The following DLG2 variants were observed in gnomAD, a reference collection of about 807,000 sequenced individuals.
The protein encoded by DLG2 is disks large homolog 2.
In DLG2, 45 loss-of-function variants were observed where a neutral mutation model predicts 132.5. The observed-to-expected ratio is 0.34, with a 90% CI of 0.27 to 0.44. The LOEUF is 0.44. DLG2 is among the 20% of genes least tolerant of loss of function. The pLI is 1.00. For synonymous variants in DLG2, 424 were observed against 419.6 expected (o/e 1.01, Z -0.13); for missense variants, 1,045 against 1,196.9 (o/e 0.87, Z 1.87).
intron 6 of DLG2, among the ~76,000 whole-genome samples, chr11:84,742,860 T>C (rs1186876368): frequency 6.6e-6 from 1 of 152,208 alleles, no homozygotes; most frequent in Non-Finnish European, 1.5e-5. Context: ...ACTGTCTCTA[T>C]GGTTTTACCG....
chr11:85,185,315 A>T (rs953164297), intron 4 of DLG2, among the ~76,000 whole-genome samples: 7 of 151,998 alleles, frequency 4.6e-5, no homozygotes, highest in Non-Finnish European at 1.0e-4. Flanking sequence ...AATCAAATTC[A>T]TTATGTTATC....
chr11:85,524,299 A>T (rs758486025), intron 3 of DLG2, among the ~76,000 whole-genome samples: 3 of 152,206 alleles, frequency 2.0e-5, no homozygotes. Flanking sequence ...ATGAATAGTC[A>T]ATTTGCCCTA....
At chr11:84,474,785 A>C (rs1275871601) in intron 7 of DLG2, among the ~76,000 whole-genome samples, 1 of 152,060 alleles carries the variant, frequency 6.6e-6, no homozygotes, top group Non-Finnish European at 1.5e-5. Context: ...TTTAAATCAT[A>C]ATCTTCTTGA....
chr11:84,864,651 T>C (rs1392411606), intron 6 of DLG2, among the ~76,000 whole-genome samples: 1 of 152,138 alleles, frequency 6.6e-6, no homozygotes, highest in Non-Finnish European at 1.5e-5. Flanking sequence ...TACAAACATA[T>C]GTATAATATT....
At chr11:84,205,385 T>C (rs1375437074) in intron 8 of DLG2, among the ~76,000 whole-genome samples, 3 of 152,084 alleles carry the variant, frequency 2.0e-5, no homozygotes, top group Non-Finnish European at 4.4e-5. Context: ...ATTGACCAAA[T>C]TGGCACTATA....
chr11:83,894,320 A>G (rs1377005947), intron 15 of DLG2, among the ~76,000 whole-genome samples: 1 of 152,206 alleles, frequency 6.6e-6, no homozygotes, highest in African/African-American at 2.4e-5. Context: ...TGATCAATTA[A>G]CCAAAAACAA....
intron 21 of DLG2, among the ~76,000 whole-genome samples, chr11:83,488,521 C>CATGAGTGAA (rs1214087324): frequency 6.6e-6 from 1 of 151,992 alleles, no homozygotes; most frequent in Non-Finnish European, 1.5e-5. Context: ...TTTAAACACA[C>CATGAGTGAA]ATGAGTGAAT....
chr11:85,610,773 T>C (rs1195969055), intron 2 of DLG2, among the ~76,000 whole-genome samples: 1 of 152,246 alleles, frequency 6.6e-6, no homozygotes, highest in Non-Finnish European at 1.5e-5. Context: ...AGGCTTAATC[T>C]TAGCCAGAGG....
At chr11:85,057,539 ATAT>A (rs1338905081) in intron 6 of DLG2, among the ~76,000 whole-genome samples, 1 of 151,738 alleles carries the variant, frequency 6.6e-6, no homozygotes. Context: ...ACAGAAGGAA[ATAT>A]CAAGCCCAAA....
At position 85,256,736 on chromosome 11, in the gene DLG2, G is replaced by T. The variant is rs2076689900; in HGVS notation, c.186+28484C>A. Among the ~76,000 whole-genome samples the T allele has an allele frequency of 2.0e-5, 3 of 152,048 alleles. 1 individual carries two copies. The South Asian group carries it at 6.2e-4, about 31-fold the overall frequency. On this transcript the variant is annotated intron_variant, in intron 4 of 27. Coordinates refer to ENST00000376104, the MANE Select transcript of DLG2 (RefSeq NM_001142699.3). ...TCGATGTCGTGTGAGGGGGGGTCAG[G>T]GAACTCTCCCATTTCAATTAGAAAG... is the stretch of plus-strand genomic sequence containing the variant.
At position 85,004,310 on chromosome 11, in the gene DLG2, G is replaced by A. The variant is rs188574768; in HGVS notation, c.357+107351C>T. 3.8e-3 allele frequency among the ~76,000 whole-genome samples: 573 copies of A among 152,244 alleles called. 1 individual carries two copies. The highest frequency in any genetic ancestry group is 7.0e-3 in the Non-Finnish European group (475 of 68,012). On this transcript the variant is annotated intron_variant, in intron 6 of 27. Coordinates refer to ENST00000376104, the MANE Select transcript of DLG2 (RefSeq NM_001142699.3). ...GAATCGCCAAACTGCCTTCCACAAC[G>A]GTTGAACTAATTTACACTCCCACCA...
chr11:84,197,109 AAT>A (rs2096532247), intron 8 of DLG2, among the ~76,000 whole-genome samples: 1 of 151,710 alleles, frequency 6.6e-6, no homozygotes, highest in African/African-American at 2.4e-5. Flanking sequence ...TGATCATTCC[AAT>A]ATCTTTTTTA....
chr11:84,041,470 T>C (rs1187140880), intron 11 of DLG2, among the ~76,000 whole-genome samples: 2 of 151,954 alleles, frequency 1.3e-5, no homozygotes, highest in African/African-American at 4.8e-5. Flanking sequence ...TCGTCACAAT[T>C]TTTGAATGTG....
chr11:84,742,641 T>C (rs1031670733), intron 6 of DLG2, among the ~76,000 whole-genome samples: 4 of 152,238 alleles, frequency 2.6e-5, no homozygotes, highest in African/African-American at 9.6e-5. Context: ...TGAACCTTTA[T>C]TGAGACATCA....
At chr11:83,926,894 T>C (rs1038918431) in intron 15 of DLG2, among the ~76,000 whole-genome samples, 11 of 152,082 alleles carry the variant, frequency 7.2e-5, no homozygotes, top group African/African-American at 1.4e-4. Context: ...GTATTTCCCA[T>C]TGGAAAAATA....
chr11:84,579,820 T>C (rs780508115), intron 6 of DLG2, among the ~76,000 whole-genome samples: 1 of 152,166 alleles, frequency 6.6e-6, no homozygotes, highest in Non-Finnish European at 1.5e-5. Flanking sequence ...AAGGGCTAAA[T>C]TAAAGCAATG....
intron 6 of DLG2, among the ~76,000 whole-genome samples, chr11:84,751,616 T>TAAC (rs1429194559): frequency 2.6e-5 from 4 of 152,164 alleles, no homozygotes; most frequent in Admixed American, 6.5e-5. Flanking sequence ...CGGCTGTGGT[T>TAAC]AACATGCAAT....
intron 8 of DLG2, chr11:84,166,746 C>T: frequency 2.9e-6 from 1 of 344,336 alleles, no homozygotes; most frequent in Admixed American, 3.7e-5. Flanking sequence ...TGTATCCTCA[C>T]TCAGCAAAAC....
intron 7 of DLG2, among the ~76,000 whole-genome samples, chr11:84,411,090 C>T (rs1362442432): frequency 6.6e-6 from 1 of 152,142 alleles, no homozygotes; most frequent in Non-Finnish European, 1.5e-5. Context: ...AGGCAGAACA[C>T]AGCTTTTCAG....
Sources: gnomAD v4.1 joint callset for allele counts (sites outside exome capture counted in the v4.1 genomes callset) on GRCh38, gnomAD v4.1.1 for gene constraint, MANE v1.5 for transcripts, NCBI Gene and HGNC (gene_info 2026-07-23, HGNC 2026-07-21) for gene names.